The following PAPPA variants were observed in gnomAD, a reference collection of about 807,000 sequenced individuals.
PAPPA encodes pappalysin-1.
PAPPA carries 60 observed loss-of-function variants against 164.0 expected under a neutral mutation model. The observed-to-expected ratio is 0.37, with a 90% confidence interval of 0.30 to 0.45. The LOEUF is 0.45. PAPPA is among the 20% of genes least tolerant of loss of function. The probability of loss-of-function intolerance (pLI) is 1.00; values close to 1 mark genes in which losing one functional copy is unlikely to be tolerated. For synonymous variants in PAPPA, 875 were observed against 814.1 expected (o/e 1.07, Z -1.27); for missense variants, 1,782 against 2,087.3 (o/e 0.85, Z 2.85).
chr9:116,252,423 AT>A (rs1844870187), intron 7 of PAPPA, among the ~76,000 whole-genome samples: 1 of 151,754 alleles, frequency 6.6e-6, no homozygotes, highest in African/African-American at 2.4e-5. Context: ...GCAAAAGGCC[AT>A]TTTCCCAAAG....
intron 2 of PAPPA, among the ~76,000 whole-genome samples, chr9:116,202,341 T>G (rs1045727146): frequency 6.6e-6 from 1 of 152,146 alleles, no homozygotes; most frequent in African/African-American, 2.4e-5. Flanking sequence ...ATTTAGGAAA[T>G]ATTTTGTTGG....
intron 10 of PAPPA, among the ~76,000 whole-genome samples, chr9:116,321,263 G>C (rs557769387): frequency 6.6e-6 from 1 of 151,870 alleles, no homozygotes; most frequent in African/African-American, 2.4e-5. Flanking sequence ...TCCTGACCTC[G>C]TGATCCGCCC....
chr9:116,370,461 T>C (rs1036438258), intron 19 of PAPPA, among the ~76,000 whole-genome samples: 3 of 152,178 alleles, frequency 2.0e-5, no homozygotes, highest in East Asian at 3.9e-4. Flanking sequence ...ATAAAGGCAA[T>C]ACATTTAGTG....
At chr9:116,157,890 A>T (rs1048131889) in intron 1 of PAPPA, among the ~76,000 whole-genome samples, 1 of 152,112 alleles carries the variant, frequency 6.6e-6, no homozygotes, top group Non-Finnish European at 1.5e-5. Flanking sequence ...CTCATCCCCA[A>T]CTGCCCCCCC....
chr9:116,272,600 A>C (rs1416350217), intron 9 of PAPPA, among the ~76,000 whole-genome samples: 1 of 152,222 alleles, frequency 6.6e-6, no homozygotes, highest in African/African-American at 2.4e-5. Context: ...GGGTTGAGCA[A>C]CACAATAGAA....
At chr9:116,379,430 A>T (rs1846697792) in intron 20 of PAPPA, among the ~76,000 whole-genome samples, 2 of 152,158 alleles carry the variant, frequency 1.3e-5, no homozygotes, top group South Asian at 4.1e-4. Flanking sequence ...CTTCACTGAG[A>T]ACCTCTTATA....
chr9:116,375,864 C>A (rs1409532110), intron 19 of PAPPA, among the ~76,000 whole-genome samples: 2 of 152,204 alleles, frequency 1.3e-5, no homozygotes, highest in African/African-American at 4.8e-5. Context: ...AACCTCTGAT[C>A]ATGTGGACTT....
At chr9:116,245,976 G>T (rs1844792435) in intron 7 of PAPPA, among the ~76,000 whole-genome samples, 1 of 152,114 alleles carries the variant, frequency 6.6e-6, no homozygotes, top group African/African-American at 2.4e-5. Flanking sequence ...AAAATAATCT[G>T]CTCAATCCTG....
chr9:116,385,855 C>T (rs771174600), intron 21 of PAPPA, among the ~76,000 whole-genome samples: 8 of 152,292 alleles, frequency 5.3e-5, no homozygotes, highest in East Asian at 3.9e-4. Flanking sequence ...CCTTGTGAAA[C>T]GTGTAGTCTA....
intron 2 of PAPPA, among the ~76,000 whole-genome samples, chr9:116,194,323 TATCCCAGAAAGAGTTCTGGGAAGAGTTAA>T (rs1844078976): frequency 6.6e-6 from 1 of 152,202 alleles, no homozygotes. Context: ...CATAAAATAA[TATCCCAGAAAGAGTTCTGGGAAGAGTTAA>T]CCAGCATGCA....
intron 2 of PAPPA, among the ~76,000 whole-genome samples, chr9:116,199,207 C>G (rs1449416905): frequency 6.6e-6 from 1 of 152,182 alleles, no homozygotes; most frequent in East Asian, 1.9e-4. Context: ...ACGATCCAAT[C>G]CACAAGGAGC....
chr9:116,374,397 C>G (rs1846622532), intron 19 of PAPPA, among the ~76,000 whole-genome samples: 1 of 152,202 alleles, frequency 6.6e-6, no homozygotes, highest in Non-Finnish European at 1.5e-5. Context: ...GGGGCCCCAT[C>G]TGAGATCTCC....
intron 2 of PAPPA, among the ~76,000 whole-genome samples, chr9:116,199,903 C>T (rs1297492772): frequency 2.0e-5 from 3 of 151,664 alleles, no homozygotes; most frequent in South Asian, 2.1e-4. Flanking sequence ...AGTGGGGAGA[C>T]GATAGAGTCT....
intron 19 of PAPPA, among the ~76,000 whole-genome samples, chr9:116,372,340 T>C (rs1161592887): frequency 6.6e-6 from 1 of 152,238 alleles, no homozygotes; most frequent in East Asian, 1.9e-4. Context: ...TTTTTCATTT[T>C]TTCTTGGGTA....
At chr9:116,168,467 G>C (rs1843739454) in intron 1 of PAPPA, among the ~76,000 whole-genome samples, 1 of 152,132 alleles carries the variant, frequency 6.6e-6, no homozygotes, top group Non-Finnish European at 1.5e-5. Flanking sequence ...GCACAGAGCA[G>C]AAACACTATG....
At chr9:116,209,350 T>A (rs1844278577) in intron 3 of PAPPA, among the ~76,000 whole-genome samples, 1 of 152,166 alleles carries the variant, frequency 6.6e-6, no homozygotes. Context: ...CAATATTAAA[T>A]AAGCAGGTCC....
intron 1 of PAPPA, among the ~76,000 whole-genome samples, chr9:116,174,815 G>A (rs192860515): frequency 6.6e-6 from 1 of 152,036 alleles, no homozygotes; most frequent in African/African-American, 2.4e-5. Context: ...CAATCATAAA[G>A]CATAATTTTG....
At chr9:116,204,747 C>T (rs773007229) in intron 2 of PAPPA, among the ~76,000 whole-genome samples, 7 of 152,178 alleles carry the variant, frequency 4.6e-5, no homozygotes, top group African/African-American at 7.2e-5. Flanking sequence ...GACCAATTTA[C>T]GATGTATACA....
chr9:116,194,742 G>A (rs1032175079), intron 2 of PAPPA, among the ~76,000 whole-genome samples: 11 of 152,150 alleles, frequency 7.2e-5, no homozygotes, highest in Non-Finnish European at 1.6e-4. Flanking sequence ...AGGTGATGGA[G>A]AAAAGTCTCC....
Sources: gnomAD v4.1 joint callset for allele counts (sites outside exome capture counted in the v4.1 genomes callset) on GRCh38, gnomAD v4.1.1 for gene constraint, MANE v1.5 for transcripts, NCBI Gene and HGNC (gene_info 2026-07-23, HGNC 2026-07-21) for gene names.